Variants in PRKCE observed in about 807,000 individuals in gnomAD.
The protein encoded by PRKCE is protein kinase C epsilon type.
PRKCE carries 16 observed loss-of-function variants against 85.4 expected under a neutral mutation model. The ratio of observed to expected loss-of-function variants is 0.19; its 90% CI spans 0.13 to 0.28. The LOEUF is 0.28. PRKCE is among the 10% of genes least tolerant of loss of function. The pLI is 1.00. For missense variants in PRKCE, 573 were observed against 975.2 expected (o/e 0.59, Z 5.49); for synonymous variants, 388 against 371.5 (o/e 1.04, Z -0.51).
chr2:46,038,709 C>T (rs1339587763), intron 10 of PRKCE, among the ~76,000 whole-genome samples: 2 of 143,566 alleles, frequency 1.4e-5, no homozygotes, highest in African/African-American at 5.2e-5. Flanking sequence ...ACACATTTTC[C>T]AGATATTTCC....
chr2:45,982,540 G>A (rs1376383865), intron 5 of PRKCE, among the ~76,000 whole-genome samples: 2 of 152,122 alleles, frequency 1.3e-5, no homozygotes, highest in Non-Finnish European at 2.9e-5. Flanking sequence ...CATCTCCACT[G>A]GTGTCACATT....
chr2:45,961,293 T>C (rs1455518787), intron 2 of PRKCE, among the ~76,000 whole-genome samples: 1 of 152,210 alleles, frequency 6.6e-6, no homozygotes, highest in Non-Finnish European at 1.5e-5. Context: ...CATTTTTCCT[T>C]GCAATGTTTA....
intron 2 of PRKCE, among the ~76,000 whole-genome samples, chr2:45,948,491 T>G (rs1470437209): frequency 1.3e-5 from 2 of 152,028 alleles, no homozygotes; most frequent in Non-Finnish European, 2.9e-5. Flanking sequence ...TATTTAAAAA[T>G]TAGCTGGCAT....
chr2:46,151,992 G>A (rs1443462151), intron 13 of PRKCE, among the ~76,000 whole-genome samples: 1 of 152,204 alleles, frequency 6.6e-6, no homozygotes, highest in Non-Finnish European at 1.5e-5. Flanking sequence ...GATAGGATGA[G>A]GGTGACAACC....
At chr2:46,146,468 T>A (rs1349444600) in intron 12 of PRKCE, among the ~76,000 whole-genome samples, 5 of 152,214 alleles carry the variant, frequency 3.3e-5, no homozygotes, top group Non-Finnish European at 7.3e-5. Context: ...AACAACTAAT[T>A]AAGCAGAATA....
chr2:45,788,746 T>C (rs1686811812), intron 1 of PRKCE, among the ~76,000 whole-genome samples: 1 of 152,230 alleles, frequency 6.6e-6, no homozygotes, highest in Admixed American at 6.5e-5. Context: ...TTCAGATGCC[T>C]TTATTACTTA....
chr2:45,881,583 A>C (rs544823382), intron 2 of PRKCE, among the ~76,000 whole-genome samples: 2 of 152,238 alleles, frequency 1.3e-5, no homozygotes, highest in Non-Finnish European at 2.9e-5. Context: ...AGTGCTTACT[A>C]TTCCCCAAGA....
chr2:45,698,292 T>A (rs1017318388), intron 1 of PRKCE, among the ~76,000 whole-genome samples: 31 of 152,222 alleles, frequency 2.0e-4, no homozygotes, highest in African/African-American at 7.0e-4. Context: ...ACCAGCATCC[T>A]AAAATCATAT....
chr2:46,080,573 A>G lies in PRKCE; in HGVS notation c.1438-5635A>G, dbSNP rs117393652. ...GACGCAGACATAATAGGAACCCACT[A>G]TATGCCTGGCTCAGTTCTAGTTGCT... On this transcript the variant is annotated intron_variant, in intron 10 of 14. Coordinates refer to ENST00000306156, the MANE Select transcript of PRKCE (RefSeq NM_005400.3). Among the ~76,000 whole-genome samples, 1,106 of 152,326 alleles carry G rather than the reference A, an allele frequency of 7.3e-3. 17 individuals carry two copies. The highest frequency in any genetic ancestry group is 0.039 in the East Asian group (203 of 5,182).
At chr2:45,884,154 T>G (rs1695074693) in intron 2 of PRKCE, among the ~76,000 whole-genome samples, 1 of 152,094 alleles carries the variant, frequency 6.6e-6, no homozygotes, top group South Asian at 2.1e-4. Flanking sequence ...CTGTTTCAGG[T>G]GGAGGGGAAA....
At chr2:45,904,456 A>T (rs1399450131) in intron 2 of PRKCE, among the ~76,000 whole-genome samples, 1 of 152,158 alleles carries the variant, frequency 6.6e-6, no homozygotes, top group Non-Finnish European at 1.5e-5. Context: ...ACACAGACTT[A>T]TATCACATGT....
chr2:46,016,522 G>A (rs1706163923), intron 10 of PRKCE, among the ~76,000 whole-genome samples: 1 of 152,146 alleles, frequency 6.6e-6, no homozygotes. Flanking sequence ...GGCAGAGAAG[G>A]ATGTGTTGGC....
chr2:45,868,202 G>T (rs1409288773), intron 2 of PRKCE, among the ~76,000 whole-genome samples: 1 of 147,814 alleles, frequency 6.8e-6, no homozygotes, highest in Non-Finnish European at 1.5e-5. Context: ...CTGGTTGGGG[G>T]GTGTAACGGA....
chr2:46,096,204 A>C (rs975077842), intron 11 of PRKCE, among the ~76,000 whole-genome samples: 1 of 152,260 alleles, frequency 6.6e-6, no homozygotes, highest in African/African-American at 2.4e-5. Context: ...AACTGTTTGA[A>C]ATGCAGTTTT....
At chr2:46,023,343 G>A (rs1031673172) in intron 10 of PRKCE, among the ~76,000 whole-genome samples, 9 of 152,292 alleles carry the variant, frequency 5.9e-5, no homozygotes, top group African/African-American at 2.2e-4. Context: ...ACAGCGATGG[G>A]CCAACCCTGT....
intron 11 of PRKCE, among the ~76,000 whole-genome samples, chr2:46,111,118 GATGACCATTAC>G (rs1672211963): frequency 1.3e-5 from 2 of 152,052 alleles, no homozygotes; most frequent in African/African-American, 2.4e-5. Flanking sequence ...GATCTATCTT[GATGACCATTAC>G]ATGCAAGCTT....
At chr2:45,816,918 A>T (rs1479087511) in intron 1 of PRKCE, among the ~76,000 whole-genome samples, 1 of 152,210 alleles carries the variant, frequency 6.6e-6, no homozygotes, top group South Asian at 2.1e-4. Flanking sequence ...TTTTGTGAGG[A>T]TGAAATGATT....
chr2:45,754,629 C>A (rs548855703), intron 1 of PRKCE, among the ~76,000 whole-genome samples: 4 of 152,300 alleles, frequency 2.6e-5, no homozygotes, highest in African/African-American at 7.2e-5. Flanking sequence ...ATATGCTGTG[C>A]CTGCCCCCTT....
At chr2:45,750,853 G>A (rs1263188368) in intron 1 of PRKCE, among the ~76,000 whole-genome samples, 2 of 152,274 alleles carry the variant, frequency 1.3e-5, no homozygotes, top group East Asian at 3.9e-4. Context: ...ACCATTCACT[G>A]GAGCAATCAT....
Sources: gnomAD v4.1 joint callset for allele counts (sites outside exome capture counted in the v4.1 genomes callset) on GRCh38, gnomAD v4.1.1 for gene constraint, MANE v1.5 for transcripts, NCBI Gene and HGNC (gene_info 2026-07-23, HGNC 2026-07-21) for gene names.